Variants in LRRC2 observed in about 807,000 individuals in gnomAD.
LRRC2 encodes the protein leucine-rich repeat-containing protein 2.
A neutral mutation model predicts 40.2 loss-of-function variants in LRRC2; 27 were observed. The observed-to-expected ratio is 0.67, with a 90% CI of 0.49 to 0.93. LRRC2 has a LOEUF of 0.93. Ranked by LOEUF, LRRC2 falls within the 40% of genes least tolerant of loss-of-function variation. The probability of loss-of-function intolerance (pLI) is 0.00; values close to 1 mark genes in which losing one functional copy is unlikely to be tolerated. For missense variants in LRRC2, 402 were observed against 439.6 expected (o/e 0.91, Z 0.76); for synonymous variants, 147 against 158.9 (o/e 0.92, Z 0.56).
At chr3:46,534,468 C>G (rs528444248) in intron 4 of LRRC2, among the ~76,000 whole-genome samples, 15 of 133,952 alleles carry the variant, frequency 1.1e-4, no homozygotes, top group South Asian at 2.5e-4. Flanking sequence ...TTCTTTCTTT[C>G]TTTGTTTCTT....
Position 46,519,094 on chromosome 3 carries a change from C to T in LRRC2, c.1067-31G>A, listed in dbSNP as rs1220474877. 4 of 1,480,854 alleles carry T rather than the reference C, an allele frequency of 2.7e-6. No individual in the cohort carries two copies. The African/African-American group carries it at 4.1e-5, about 15-fold the overall frequency. The allele number at this position is 1,480,854 out of a possible 1,614,324, so 91.7% of individuals were successfully genotyped here. A position where few individuals can be genotyped will look rare whatever the true frequency, so the allele number is the denominator to read the frequency against. On this transcript the variant is annotated intron_variant, in intron 8 of 8. Coordinates refer to ENST00000395905, the MANE Select transcript of LRRC2 (RefSeq NM_024512.5). ...ACAGAAAGAAAAAAGTATGCTCAAT[C>T]ATTCACCATTTTATTATGAAATCTA...
At chr3:46,541,547 G>A (rs1575353293) in intron 3 of LRRC2, among the ~76,000 whole-genome samples, 2 of 152,108 alleles carry the variant, frequency 1.3e-5, no homozygotes, top group East Asian at 1.9e-4. Context: ...GCTGCAAAAT[G>A]TGGATAACCA....
At chr3:46,520,640 C>T (rs1703948252) in intron 8 of LRRC2, among the ~76,000 whole-genome samples, 1 of 152,198 alleles carries the variant, frequency 6.6e-6, no homozygotes, top group African/African-American at 2.4e-5. Flanking sequence ...GAGGGGCATG[C>T]TCACGCATGC....
chr3:46,532,632 T>G (rs747638917), intron 5 of LRRC2, 141 bp downstream of exon 5: 407 of 931,792 alleles, frequency 4.4e-4, no homozygotes, highest in Non-Finnish European at 6.2e-4. Context: ...TAAAGACCAG[T>G]ATACGGTGAT....
Position 46,539,045 on chromosome 3 carries a change from C to G in LRRC2, c.490G>C (p.Gly164Arg). Residue 164 changes from glycine (G) to arginine (R), a missense_variant and splice_region_variant, in exon 4 of 9, where the codon GGT becomes CGT. Physicochemically the swap from Gly to Arg is moderately radical, Grantham distance 125. Transcript: ENST00000395905. Reference protein sequence around the residue: ...NQISHLPAEIGCLKNLKELNV... With the variant: ...NQISHLPAEIRCLKNLKELNV... ...GAAGACCCCTGCTAAGTTGACATAC[C>G]GATTTCTGCTGGAAGATGTGAGATT... is the stretch of plus-strand genomic sequence containing the variant. 2.5e-6 allele frequency: 4 copies of G among 1,613,266 alleles called. No individual in the cohort carries two copies. Among genetic ancestry groups the G allele is most frequent in the Middle Eastern group, 1.7e-4 (1 of 6,054 alleles).
chr3:46,527,592 G>GT lies in LRRC2; in HGVS notation c.774-12dup. 6.2e-7 allele frequency: 1 copy of GT among 1,612,778 alleles called. No individual in the cohort carries two copies. Among genetic ancestry groups the GT allele is most frequent in the Non-Finnish European group, 8.5e-7 (1 of 1,178,970 alleles). On this transcript the variant is annotated splice_polypyrimidine_tract_variant and intron_variant, in intron 6 of 8. Transcript: ENST00000395905. ...TGCAGCTCCTCTAGCCTAAGAAGAG[G>GT]TAAAAACAATCATAGCACTGGACTT...
intron 3 of LRRC2, among the ~76,000 whole-genome samples, chr3:46,541,332 C>CA (rs571449281): frequency 0.014 from 885 of 63,178 alleles, 6 homozygotes; most frequent in African/African-American, 0.028. Context: ...GACTCCGTCT[C>CA]AAAAAAAAAA....
rs371519545 is a variant in LRRC2, at chr3:46,545,925, TG to T, written c.126-673del. ...GTGGGCCTTTCTTCATTTAGGAATT[TG>T]TTTTCTGTTTGAGGCCTTTAACATA... On this transcript the variant is annotated intron_variant, in intron 2 of 8. Transcript: ENST00000395905. 5.8e-4 allele frequency among the ~76,000 whole-genome samples: 89 copies of T among 152,352 alleles called. 1 individual carries two copies. The highest frequency in any genetic ancestry group is 1.3e-3 in the African/African-American group (55 of 41,576).
chr3:46,566,057 C>T (rs993666447), intron 1 of LRRC2, 120 bp downstream of exon 1: 2 of 152,386 alleles, frequency 1.3e-5, no homozygotes, highest in Admixed American at 1.3e-4. Flanking sequence ...GTCACCAAGG[C>T]ACAGAGGAAG....
intron 3 of LRRC2, among the ~76,000 whole-genome samples, chr3:46,543,839 C>T (rs543798941): frequency 7.9e-5 from 12 of 151,976 alleles, no homozygotes; most frequent in African/African-American, 2.9e-4. Flanking sequence ...ATAGGCAGCC[C>T]GTTACCTACT....
At chr3:46,533,020 T>C (rs747729368) in intron 4 of LRRC2, 111 bp from the exon 5 acceptor site, 3 of 1,125,836 alleles carry the variant, frequency 2.7e-6, no homozygotes, top group Non-Finnish European at 3.8e-6. Context: ...GGGAAGGAAC[T>C]AAACATAATT....
At chr3:46,542,582 A>C (rs11705987) in intron 3 of LRRC2, among the ~76,000 whole-genome samples, 31,305 of 151,734 alleles carry the variant, frequency 0.21, 3,839 homozygotes, top group Middle Eastern at 0.32. Flanking sequence ...ATTACCCTGC[A>C]AAATAAAAAC....
intron 5 of LRRC2, among the ~76,000 whole-genome samples, chr3:46,532,242 G>A (rs1463239948): frequency 6.6e-6 from 1 of 152,196 alleles, no homozygotes; most frequent in Non-Finnish European, 1.5e-5. Context: ...TTTCTTGTGT[G>A]AAATTTTGCC....
chr3:46,539,695 A>C (rs1251334325), intron 3 of LRRC2, among the ~76,000 whole-genome samples: 1 of 152,210 alleles, frequency 6.6e-6, no homozygotes, highest in Non-Finnish European at 1.5e-5. Flanking sequence ...CAGCTGGGAC[A>C]CCTGAGTTCC....
rs983828184 is a variant in LRRC2 at position 46,533,837 on chromosome 3, GTCTT to G, written c.491-932_491-929del. On this transcript the variant is annotated intron_variant, in intron 4 of 8. Transcript: ENST00000395905. ...TTTCTTTTTCTTTCTCTCTCTGCCT[GTCTT>G]TCTTTCTTTCTTCTTTCTTTCTCTT... 2.4e-4 allele frequency among the ~76,000 whole-genome samples: 17 copies of G among 71,662 alleles called. No individual in the cohort carries two copies. The East Asian group carries it at 3.1e-3, about 13-fold the overall frequency. The allele number at this position is 71,662 out of a possible 152,430, so 47.0% of individuals were successfully genotyped here.
At chr3:46,545,311 A>G in intron 2 of LRRC2, 58 bp from the exon 3 acceptor site, 1 of 1,502,462 alleles carries the variant, frequency 6.7e-7, no homozygotes, top group East Asian at 2.3e-5. Flanking sequence ...TCACCTGCCT[A>G]GAGAAGTGAG....
Position 46,539,031 on chromosome 3 carries a change from C to T in LRRC2, c.490+14G>A. On this transcript the variant is annotated intron_variant, in intron 4 of 8. Transcript: ENST00000395905. ...CACACCAGAGGCCCGAAGACCCCTG[C>T]TAAGTTGACATACCGATTTCTGCTG... The T allele has an allele frequency of 1.9e-6, 3 of 1,612,758 alleles. No individual in the cohort carries two copies. The highest frequency in any genetic ancestry group is 2.5e-6 in the Non-Finnish European group (3 of 1,179,358).
At chr3:46,523,364 G>T (rs1051077773) in intron 7 of LRRC2, among the ~76,000 whole-genome samples, 2 of 151,986 alleles carry the variant, frequency 1.3e-5, no homozygotes, top group African/African-American at 4.8e-5. Flanking sequence ...TTTTTCATTG[G>T]TCTATCACTG....
intron 4 of LRRC2, among the ~76,000 whole-genome samples, chr3:46,538,430 T>C (rs531395304): frequency 4.5e-4 from 69 of 151,676 alleles, no homozygotes; most frequent in African/African-American, 1.6e-3. Context: ...AGGTCAGGAG[T>C]TTGAGACCAG....
Sources: allele counts gnomAD v4.1 joint callset (sites outside exome capture counted in the v4.1 genomes callset), GRCh38; gene constraint gnomAD v4.1.1; transcripts MANE v1.5; gene names NCBI Gene and HGNC (gene_info 2026-07-23, HGNC 2026-07-21).